NGEF: variants seen among roughly 807,000 people sequenced by gnomAD.
NGEF encodes ephexin-1.
NGEF carries 31 observed loss-of-function variants against 80.9 expected under a neutral mutation model. The ratio of observed to expected loss-of-function variants is 0.38; its 90% CI spans 0.29 to 0.52. NGEF has a LOEUF of 0.52. Among genes scored for constraint, NGEF ranks in the 20% least tolerant of loss-of-function variants. The pLI is 0.84. For missense variants in NGEF, 709 were observed against 926.2 expected (o/e 0.77, Z 3.04); for synonymous variants, 371 against 370.2 (o/e 1.00, Z -0.03).
chr2:233,004,261 C>T (rs1695041525), intron 1 of NGEF, among the ~76,000 whole-genome samples: 1 of 152,168 alleles, frequency 6.6e-6, no homozygotes, highest in Non-Finnish European at 1.5e-5. Flanking sequence ...CCACCCCTTC[C>T]CTTCTTCTGG....
At chr2:232,987,199 G>A (rs1447348820) in intron 1 of NGEF, among the ~76,000 whole-genome samples, 1 of 151,914 alleles carries the variant, frequency 6.6e-6, no homozygotes, top group Non-Finnish European at 1.5e-5. Context: ...TATATTTTTG[G>A]TAGAGATGAG....
Position 232,883,317 on chromosome 2 carries a change from G to A in NGEF, c.1751C>T (p.Ser584Phe), listed in dbSNP as rs755566882. The change falls in exon 12 of 15, where the codon TCC becomes TTC. Residue 584 changes from serine (S) to phenylalanine (F), a missense_variant. Physicochemically the swap from Ser to Phe is radical, Grantham distance 155 (BLOSUM62 -2). This residue lies in a region of NGEF where 426 missense variants were observed against 622.9 expected (regional missense o/e 0.68). Transcript: ENST00000264051. ...DREATYMLKA[S>F]SQSEMKRWMT... ...GTGGCGGCGAGGCACTCACTGAGAGGACGCCTTTAGCATGTAGGTGGCCTC... is the reference window on the plus strand; with the variant it reads ...GTGGCGGCGAGGCACTCACTGAGAGAACGCCTTTAGCATGTAGGTGGCCTC... 1.9e-6 allele frequency: 3 copies of A among 1,598,500 alleles called. No homozygotes were observed. The highest frequency in any genetic ancestry group is 2.6e-6 in the Non-Finnish European group (3 of 1,170,176).
chr2:232,926,975 G>C lies in NGEF; in HGVS notation c.526+69C>G, dbSNP rs2106283524. On this transcript the variant is annotated intron_variant, in intron 4 of 14. Transcript: ENST00000264051. ...AAACACAACGGCATCCCATGAGCAG[G>C]AGGACCCTCAGAGTCCTCCAGGGAC... The C allele has an allele frequency of 1.9e-6, 3 of 1,592,792 alleles. No individual in the cohort carries two copies. In the South Asian group the frequency reaches 3.3e-5, roughly 18 times the overall value.
intron 5 of NGEF, among the ~76,000 whole-genome samples, chr2:232,917,248 T>TA (rs1226310096): frequency 2.6e-5 from 4 of 152,214 alleles, no homozygotes; most frequent in African/African-American, 9.6e-5. Context: ...GAAAACACTG[T>TA]AAAAATCTAT....
At chr2:232,915,382 A>G (rs898840868) in intron 5 of NGEF, among the ~76,000 whole-genome samples, 2 of 152,230 alleles carry the variant, frequency 1.3e-5, no homozygotes, top group African/African-American at 2.4e-5. Flanking sequence ...TCAAGCTGGC[A>G]TCTCAGAAGT....
chr2:232,927,817 C>T lies in NGEF; in HGVS notation c.384-631G>A, dbSNP rs1693110667. ...GGGGATAGGCCGCGCAGGGGGTGCC[C>T]GGGACCCCGGGCGCAAGCTGGGAAA... On this transcript the variant is annotated intron_variant, in intron 3 of 14. Coordinates refer to ENST00000264051, the MANE Select transcript of NGEF (RefSeq NM_019850.3). 3 of 1,007,478 alleles carry T rather than the reference C, an allele frequency of 3.0e-6. No homozygotes were observed. The East Asian group carries it at 1.1e-4, about 36-fold the overall frequency. The allele number at this position is 1,007,478 out of a possible 1,614,324, so 62.4% of individuals were successfully genotyped here.
At chr2:233,002,643 C>T (rs1256041899) in intron 1 of NGEF, among the ~76,000 whole-genome samples, 2 of 152,292 alleles carry the variant, frequency 1.3e-5, no homozygotes, top group East Asian at 1.9e-4. Flanking sequence ...TGCACTCCAG[C>T]TTGGGCAATA....
chr2:232,881,609 C>CA (rs1386451569), intron 13 of NGEF, among the ~76,000 whole-genome samples: 1 of 152,118 alleles, frequency 6.6e-6, no homozygotes, highest in Admixed American at 6.6e-5. Flanking sequence ...CTTTTTGAGA[C>CA]AGAGTCTCCC....
intron 5 of NGEF, among the ~76,000 whole-genome samples, chr2:232,896,950 T>G (rs1574998277): frequency 8.7e-6 from 1 of 114,928 alleles, no homozygotes; most frequent in African/African-American, 3.6e-5. Flanking sequence ...AGGGTGAGGG[T>G]ACAGGTGAGG....
chr2:232,909,461 A>G (rs1350144139), intron 5 of NGEF, among the ~76,000 whole-genome samples: 2 of 152,126 alleles, frequency 1.3e-5, no homozygotes, highest in Non-Finnish European at 2.9e-5. Context: ...ATTCACGGTG[A>G]GACAGATCTG....
chr2:233,000,519 A>G lies in NGEF; in HGVS notation c.-75+12549T>C, dbSNP rs1047585313. The stretch of plus-strand genomic sequence containing the variant: ...GTAATGCCAATCCCAGCACTTTGGG[A>G]GGCCGAGGCGGGTGGATCACGAGGT... On this transcript the variant is annotated intron_variant, in intron 1 of 14. Transcript: ENST00000264051. Among the ~76,000 whole-genome samples, 489 of 151,188 alleles carry G rather than the reference A, an allele frequency of 3.2e-3. 4 individuals are homozygous for G. The highest frequency in any genetic ancestry group is 0.011 in the African/African-American group (448 of 41,364).
In NGEF at chr2:232,956,106, T is replaced by C. The variant is rs767817731; in HGVS notation, c.383+14108A>G. On this transcript the variant is annotated intron_variant, in intron 3 of 14. Coordinates refer to ENST00000264051, the MANE Select transcript of NGEF (RefSeq NM_019850.3). ...CTGGTTTCAGACGCCGCTCCTTTCC[T>C]TGTAAATATGAGGTAATTGAGGCTT... 1.2e-4 allele frequency among the ~76,000 whole-genome samples: 18 copies of C among 152,176 alleles called. 1 individual carries two copies. Among genetic ancestry groups the C allele is most frequent in the Admixed American group, 1.2e-3 (18 of 15,276 alleles).
Position 232,970,283 on chromosome 2 carries a change from T to G in NGEF, c.314A>C (p.Asn105Thr). ...GKSVNEPLTL[N>T]IPWSRMPPCR... ...AGGAGGCATTCTGCTCCAGGGGATA[T>G]TCAAGGTCAGGGGCTCATTTACAGA... is the stretch of plus-strand genomic sequence containing the variant. Residue 105 changes from asparagine to threonine, a missense_variant, in exon 3 of 15, where the codon AAT becomes ACT. By Grantham distance (65) the Asn-to-Thr change is moderately conservative. Transcript: ENST00000264051. 6.2e-7 allele frequency: 1 copy of G among 1,605,534 alleles called. No individual in the cohort carries two copies. Among genetic ancestry groups the G allele is most frequent in the Non-Finnish European group, 8.5e-7 (1 of 1,177,322 alleles).
At chr2:232,891,205 G>T in intron 8 of NGEF, 153 bp downstream of exon 8, 1 of 1,020,988 alleles carries the variant, frequency 9.8e-7, no homozygotes, top group Non-Finnish European at 1.5e-6. Flanking sequence ...AGCAGGCGCT[G>T]CATCCTCACT....
chr2:232,948,146 GATGTGTGT>G (rs1693598456), intron 3 of NGEF, among the ~76,000 whole-genome samples: 1 of 78,480 alleles, frequency 1.3e-5, no homozygotes, highest in African/African-American at 6.3e-5. Context: ...ATAGCCTGGA[GATGTGTGT>G]GTGTGTGTGT....
At chr2:232,897,731 T>C (rs530396785) in intron 5 of NGEF, among the ~76,000 whole-genome samples, 1 of 151,576 alleles carries the variant, frequency 6.6e-6, no homozygotes, top group African/African-American at 2.4e-5. Flanking sequence ...CTTGAGACAG[T>C]GACAGTCAGA....
intron 1 of NGEF, among the ~76,000 whole-genome samples, chr2:232,993,175 TA>T (rs1559238349): frequency 1.5e-5 from 2 of 133,764 alleles, no homozygotes; most frequent in African/African-American, 5.9e-5. Flanking sequence ...ATTATATATA[TA>T]AATAAATATA....
intron 3 of NGEF, among the ~76,000 whole-genome samples, chr2:232,955,994 A>G (rs963185231): frequency 6.6e-6 from 1 of 152,178 alleles, no homozygotes; most frequent in African/African-American, 2.4e-5. Flanking sequence ...ATGAAACTGT[A>G]TTGTACATAT....
intron 4 of NGEF, among the ~76,000 whole-genome samples, chr2:232,923,823 A>G (rs1180046448): frequency 6.6e-6 from 1 of 152,196 alleles, no homozygotes; most frequent in African/African-American, 2.4e-5. Flanking sequence ...GTGTCCCCCC[A>G]GATTCGTATG....
Sources: gnomAD v4.1 joint callset for allele counts (sites outside exome capture counted in the v4.1 genomes callset) on GRCh38, gnomAD v4.1.1 for gene constraint, gnomAD v4.1.1 regional missense constraint, MANE v1.5 for transcripts, NCBI Gene and HGNC (gene_info 2026-07-23, HGNC 2026-07-21) for gene names.